Variants in DPY19L3 observed in about 807,000 individuals in gnomAD.
The protein encoded by DPY19L3 is protein C-mannosyl-transferase DPY19L3.
A neutral mutation model predicts 92.3 loss-of-function variants in DPY19L3; 51 were observed. The observed-to-expected ratio is 0.55, with a 90% CI of 0.44 to 0.70. The LOEUF (loss-of-function observed/expected upper bound fraction) is 0.70. Ranked by LOEUF, DPY19L3 falls within the 30% of genes least tolerant of loss-of-function variation. The pLI is 0.00. For missense variants in DPY19L3, 706 were observed against 855.9 expected, an observed-to-expected ratio of 0.82 and a Z score of 2.18; for synonymous variants, 309 against 315.2, an observed-to-expected ratio of 0.98 and a Z score of 0.21.
At position 32,431,659 on chromosome 19, in the gene DPY19L3, T is replaced by C. The variant is rs1255208233; in HGVS notation, c.238-1057T>C. Among the ~76,000 whole-genome samples, 4 of 152,176 alleles carry C rather than the reference T, an allele frequency of 2.6e-5. No homozygotes were observed. The South Asian group carries it at 8.3e-4, about 32-fold the overall frequency. ...TGTAAAGATGAAATTCATTTATGTT[T>C]TATGTATACCTTATGCACATAGCCT... On this transcript the variant is annotated intron_variant, in intron 3 of 18. Transcript: ENST00000392250.
At chr19:32,415,746 ATGCCAGACACTTTTC>A (rs1405247573) in intron 3 of DPY19L3, among the ~76,000 whole-genome samples, 2 of 152,194 alleles carry the variant, frequency 1.3e-5, no homozygotes, top group African/African-American at 4.8e-5. Flanking sequence ...TATCTTCTGT[ATGCCAGACACTTTTC>A]TAGGCCCTGG....
intron 1 of DPY19L3, among the ~76,000 whole-genome samples, chr19:32,407,605 C>G (rs574199734): frequency 6.6e-6 from 1 of 152,264 alleles, no homozygotes; most frequent in South Asian, 2.1e-4. Flanking sequence ...GGGAGAAGAT[C>G]AGCCGGAACT....
In DPY19L3 at chr19:32,483,509, A is replaced by C. The variant is rs1480912574; in HGVS notation, c.*1269A>C. The C allele has an allele frequency of 6.6e-6, 1 of 152,662 alleles. No homozygotes were observed. Among genetic ancestry groups the C allele is most frequent in the Non-Finnish European group, 1.5e-5 (1 of 68,040 alleles). The allele number at this position is 152,662 out of a possible 1,614,324, so 9.5% of individuals were successfully genotyped here. A position where few individuals can be genotyped will look rare whatever the true frequency, so the allele number is the denominator to read the frequency against. ...ATTAACTTTCTCCCCTGTTCTTGCCAGGTGGAAATGATTTAAGCATTTCTC... is the reference window on the plus strand; with the variant it reads ...ATTAACTTTCTCCCCTGTTCTTGCCCGGTGGAAATGATTTAAGCATTTCTC... On this transcript the variant is annotated 3_prime_UTR_variant, in exon 19 of 19. Coordinates refer to ENST00000392250, the MANE Select transcript of DPY19L3 (RefSeq NM_001172774.2).
intron 4 of DPY19L3, among the ~76,000 whole-genome samples, chr19:32,433,886 A>G (rs1969050642): frequency 6.6e-6 from 1 of 152,212 alleles, no homozygotes; most frequent in Admixed American, 6.5e-5. Flanking sequence ...TAGTGGTTTT[A>G]GCAGCCATTG....
intron 2 of DPY19L3, among the ~76,000 whole-genome samples, chr19:32,409,542 T>C (rs1382832900): frequency 1.3e-5 from 2 of 152,232 alleles, no homozygotes; most frequent in African/African-American, 2.4e-5. Flanking sequence ...TTTCTGTTGC[T>C]ATAAAGGAAT....
chr19:32,467,938 A>T, intron 15 of DPY19L3: 1 of 985,476 alleles, frequency 1.0e-6, no homozygotes. Context: ...ACCAAGTGGT[A>T]TAAATACAGC....
intron 8 of DPY19L3, among the ~76,000 whole-genome samples, chr19:32,443,050 T>C (rs1261762251): frequency 6.6e-6 from 1 of 151,898 alleles, no homozygotes; most frequent in Non-Finnish European, 1.5e-5. Flanking sequence ...AACAGGGAGG[T>C]TGAGACTCTA....
intron 3 of DPY19L3, among the ~76,000 whole-genome samples, chr19:32,421,104 T>A (rs1968552769): frequency 6.6e-6 from 1 of 152,216 alleles, no homozygotes; most frequent in African/African-American, 2.4e-5. Context: ...GAAGTTTTTA[T>A]TCTCTTGATT....
intron 17 of DPY19L3, among the ~76,000 whole-genome samples, chr19:32,478,199 A>G (rs1278470312): frequency 6.6e-6 from 1 of 152,082 alleles, no homozygotes; most frequent in African/African-American, 2.4e-5. Context: ...CATATCCACT[A>G]AGGACGTGCC....
intron 14 of DPY19L3, 107 bp downstream of exon 14, chr19:32,464,087 T>C (rs1970127560): frequency 5.5e-6 from 3 of 540,620 alleles, no homozygotes; most frequent in Admixed American, 6.4e-5. Context: ...GATACTGAAA[T>C]TGAAGCTGAA....
chr19:32,414,375 C>T (rs879354586), intron 3 of DPY19L3, among the ~76,000 whole-genome samples: 6 of 151,274 alleles, frequency 4.0e-5, no homozygotes, highest in Admixed American at 3.9e-4. Flanking sequence ...GAGCCGTGAT[C>T]GCACCACTGC....
At position 32,477,606 on chromosome 19, in the gene DPY19L3, C is replaced by T; in HGVS notation, c.1782C>T (p.Thr594=). 2 of 1,614,148 alleles carry T rather than the reference C, an allele frequency of 1.2e-6. No individual in the cohort carries two copies. Among genetic ancestry groups the T allele is most frequent in the Non-Finnish European group, 8.5e-7 (1 of 1,180,030 alleles). Residue 594 remains threonine (T), a synonymous_variant, in exon 17 of 19, where the codon ACC becomes ACT. Coordinates refer to ENST00000392250, the MANE Select transcript of DPY19L3 (RefSeq NM_001172774.2). Reference sequence around the variant, plus strand: ...AGCTGTGCACGGGAAGGACCCTAACCAACCACCCGCACTATGAAGACAGCA... The same window carrying T: ...AGCTGTGCACGGGAAGGACCCTAACTAACCACCCGCACTATGAAGACAGCA... The part of the protein sequence containing the change: ...GVKLCTGRTL[T]NHPHYEDSSL...
intron 10 of DPY19L3, among the ~76,000 whole-genome samples, chr19:32,457,005 A>T (rs1399205736): frequency 3.9e-5 from 6 of 152,086 alleles, no homozygotes; most frequent in South Asian, 2.1e-4. Flanking sequence ...TACTAAAAAA[A>T]TTTTTTTCAA....
At chr19:32,454,061 A>C (rs1017534854) in intron 9 of DPY19L3, among the ~76,000 whole-genome samples, 2 of 152,134 alleles carry the variant, frequency 1.3e-5, no homozygotes, top group African/African-American at 4.8e-5. Flanking sequence ...TTAGTTGACT[A>C]TCAAAAACAA....
At chr19:32,467,788 A>C (rs1222604177) in intron 15 of DPY19L3, 1 of 981,550 alleles carries the variant, frequency 1.0e-6, no homozygotes, top group African/African-American at 1.7e-5. Flanking sequence ...TTTTTAGTCA[A>C]CTGTCATTTG....
In DPY19L3 at chr19:32,455,025, C is replaced by G. The variant is rs1045141936; in HGVS notation, c.1074C>G (p.Leu358=). ...TGGTTTTATGTTTGACACTTTTTCTCAACAACATAATTAAGGTAAGTTAAT... is the reference window on the plus strand; with the variant it reads ...TGGTTTTATGTTTGACACTTTTTCTGAACAACATAATTAAGGTAAGTTAAT... ...LFMVLCLTLF[L]NNIIKKILNL... Residue 358 remains leucine (L), a synonymous_variant, in exon 10 of 19, where the codon CTC becomes CTG. Coordinates refer to ENST00000392250, the MANE Select transcript of DPY19L3 (RefSeq NM_001172774.2). 1 of 1,547,544 alleles carries G rather than the reference C, an allele frequency of 6.5e-7. No individual in the cohort carries two copies. The highest frequency in any genetic ancestry group is 8.7e-7 in the Non-Finnish European group (1 of 1,147,746).
intron 4 of DPY19L3, among the ~76,000 whole-genome samples, chr19:32,434,890 C>T (rs1289110275): frequency 6.6e-6 from 1 of 152,064 alleles, no homozygotes. Flanking sequence ...TGTAAGGCCA[C>T]TAATCCCATC....
At chr19:32,430,916 C>T (rs980070347) in intron 3 of DPY19L3, among the ~76,000 whole-genome samples, 2 of 151,802 alleles carry the variant, frequency 1.3e-5, no homozygotes, top group African/African-American at 4.8e-5. Flanking sequence ...CATGAGCCAC[C>T]GCACCCAGCC....
At chr19:32,453,110 A>C (rs750859418) in intron 8 of DPY19L3, 35 bp from the exon 9 acceptor site, 1 of 1,610,366 alleles carries the variant, frequency 6.2e-7, no homozygotes, top group East Asian at 2.2e-5. Flanking sequence ...CTCTTGGTAA[A>C]ATGTCTGTAC....
Sources: allele counts gnomAD v4.1 joint callset (sites outside exome capture counted in the v4.1 genomes callset), GRCh38; gene constraint gnomAD v4.1.1; transcripts MANE v1.5; gene names NCBI Gene and HGNC (gene_info 2026-07-23, HGNC 2026-07-21).